GRIK4: variants seen among roughly 807,000 people sequenced by gnomAD.
The protein encoded by GRIK4 is glutamate receptor ionotropic, kainate 4.
In GRIK4, 40 loss-of-function variants were observed where a neutral mutation model predicts 104.9. The observed-to-expected ratio is 0.38, with a 90% confidence interval of 0.30 to 0.50. GRIK4 has a LOEUF of 0.50. GRIK4 is among the 20% of genes least tolerant of loss of function. The probability of loss-of-function intolerance (pLI) is 0.93; values close to 1 mark genes in which losing one functional copy is unlikely to be tolerated. For missense variants in GRIK4, 1,047 were observed against 1,308.1 expected, an observed-to-expected ratio of 0.80 and a Z score of 3.08; for synonymous variants, 485 against 524.9, an observed-to-expected ratio of 0.92 and a Z score of 1.04.
chr11:120,609,448 C>T (rs1369070255), intron 1 of GRIK4, among the ~76,000 whole-genome samples: 1 of 151,126 alleles, frequency 6.6e-6, no homozygotes, highest in African/African-American at 2.4e-5. Context: ...TTCCCCTTTC[C>T]CAAAGGTAGC....
intron 6 of GRIK4, among the ~76,000 whole-genome samples, chr11:120,820,910 A>G (rs764285645): frequency 3.3e-5 from 5 of 152,210 alleles, no homozygotes; most frequent in East Asian, 1.9e-4. Context: ...ATCCAGTACA[A>G]TTTTATTGAA....
At position 120,903,977 on chromosome 11, in the gene GRIK4, C is replaced by T. The variant is rs142828672; in HGVS notation, c.1273-1313C>T. Among the ~76,000 whole-genome samples the T allele has an allele frequency of 5.3e-4, 81 of 152,316 alleles. No individual in the cohort carries two copies. The highest frequency in any genetic ancestry group is 1.7e-3 in the African/African-American group (72 of 41,580). ...TATCTTCCAATTTCCTCCTCCTTGACGCTAAGATCATGTTCCCCTGATTTT... is the reference window on the plus strand; with the variant it reads ...TATCTTCCAATTTCCTCCTCCTTGATGCTAAGATCATGTTCCCCTGATTTT... On this transcript the variant is annotated intron_variant, in intron 12 of 20. Transcript: ENST00000527524. The surrounding 1 kb of genome is among the most constrained non-coding windows in gnomAD (Gnocchi z 4.4).
intron 1 of GRIK4, among the ~76,000 whole-genome samples, chr11:120,598,844 CT>C (rs1948841371): frequency 1.3e-5 from 2 of 152,226 alleles, no homozygotes; most frequent in South Asian, 4.1e-4. Context: ...TGCCTAAGTA[CT>C]TTTTACATCC....
intron 9 of GRIK4, chr11:120,869,602 A>G (rs1954538602): frequency 6.6e-6 from 1 of 152,418 alleles, no homozygotes; most frequent in Non-Finnish European, 1.5e-5. Flanking sequence ...CATGTCCCAG[A>G]CGGAGTGGGA....
At chr11:120,916,531 G>A (rs1012706895) in intron 13 of GRIK4, among the ~76,000 whole-genome samples, 3 of 152,096 alleles carry the variant, frequency 2.0e-5, no homozygotes, top group Non-Finnish European at 2.9e-5. Flanking sequence ...ACGGTGAAGT[G>A]GTAACATAGG....
intron 11 of GRIK4, among the ~76,000 whole-genome samples, chr11:120,891,367 AT>A (rs777481332): frequency 6.6e-6 from 1 of 152,206 alleles, no homozygotes; most frequent in Non-Finnish European, 1.5e-5. Context: ...CTGAAACAGA[AT>A]AGCACAGTGG....
intron 3 of GRIK4, among the ~76,000 whole-genome samples, chr11:120,719,393 G>A (rs1950891922): frequency 6.6e-6 from 1 of 152,172 alleles, no homozygotes; most frequent in African/African-American, 2.4e-5. Flanking sequence ...AGAATATGAA[G>A]GTTTTAGAGT....
At chr11:120,603,056 G>C (rs750586356) in intron 1 of GRIK4, among the ~76,000 whole-genome samples, 1 of 152,216 alleles carries the variant, frequency 6.6e-6, no homozygotes, top group Non-Finnish European at 1.5e-5. Context: ...CTGAAGGTAG[G>C]AGAGAAGGAG....
rs948986783 is a variant in GRIK4, at chr11:120,819,635, G to A, written c.346-120G>A. On this transcript the variant is annotated intron_variant, in intron 5 of 20. Transcript: ENST00000527524. This position sits in a 1 kb window ranked among gnomAD's most constrained non-coding sequence, Gnocchi z 4.3. ...CCTGGGAGCTCCTTCTCCCATTGGT[G>A]TCTGGCGAAGGTGTTACATAAAAGA... The A allele has an allele frequency of 3.5e-6, 3 of 866,282 alleles. No homozygotes were observed. The highest frequency in any genetic ancestry group is 3.9e-5 in the Admixed American group (2 of 51,168). 53.7% of individuals were successfully genotyped at this position (866,282 alleles called of 1,614,324 possible). A position where few individuals can be genotyped will look rare whatever the true frequency, so the allele number is the denominator to read the frequency against.
At chr11:120,950,933 A>G (rs1000396201) in intron 14 of GRIK4, among the ~76,000 whole-genome samples, 5 of 151,856 alleles carry the variant, frequency 3.3e-5, no homozygotes, top group Admixed American at 3.3e-4. Context: ...CAGATTTTTC[A>G]TTTTTCCAGT....
At chr11:120,589,269 C>T (rs1157546051) in intron 1 of GRIK4, among the ~76,000 whole-genome samples, 3 of 152,170 alleles carry the variant, frequency 2.0e-5, no homozygotes, top group Non-Finnish European at 2.9e-5. Flanking sequence ...CCTTGAGAGC[C>T]GCTGCACTAC....
At chr11:120,595,621 A>G (rs1412690932) in intron 1 of GRIK4, among the ~76,000 whole-genome samples, 2 of 152,076 alleles carry the variant, frequency 1.3e-5, no homozygotes, top group Non-Finnish European at 2.9e-5. Context: ...TGGTTTCTAG[A>G]ATGTTCTTTA....
At chr11:120,512,712 C>G (rs1274280470) in intron 1 of GRIK4, among the ~76,000 whole-genome samples, 2 of 152,106 alleles carry the variant, frequency 1.3e-5, no homozygotes, top group East Asian at 3.9e-4. Context: ...GCTGTGCGCT[C>G]CGACCTGGCT....
chr11:120,681,885 G>A (rs1196349820), intron 3 of GRIK4, among the ~76,000 whole-genome samples: 1 of 152,192 alleles, frequency 6.6e-6, no homozygotes, highest in Non-Finnish European at 1.5e-5. Context: ...AAGTGCTCCG[G>A]GTAAAGGCTC....
At chr11:120,827,687 CCA>C (rs1425958215) in intron 6 of GRIK4, among the ~76,000 whole-genome samples, 6 of 152,226 alleles carry the variant, frequency 3.9e-5, no homozygotes, top group African/African-American at 1.4e-4. Flanking sequence ...TAAATTTCTT[CCA>C]CTGCCTAGAA....
chr11:120,650,573 A>G (rs892417929), intron 1 of GRIK4, among the ~76,000 whole-genome samples: 1 of 152,128 alleles, frequency 6.6e-6, no homozygotes, highest in Admixed American at 6.5e-5. Context: ...TGCACCCTGA[A>G]CCATCCTGTT....
chr11:120,909,193 T>C (rs1008198495), intron 13 of GRIK4, among the ~76,000 whole-genome samples: 6 of 152,250 alleles, frequency 3.9e-5, no homozygotes, highest in African/African-American at 1.4e-4. Context: ...GTCAGTAGAA[T>C]GCAGTTGGTG....
chr11:120,897,916 T>C (rs1014119255), intron 11 of GRIK4, among the ~76,000 whole-genome samples: 1 of 152,050 alleles, frequency 6.6e-6, no homozygotes, highest in Non-Finnish European at 1.5e-5. Context: ...GGCACATACA[T>C]GAGAAGCTCC....
intron 1 of GRIK4, among the ~76,000 whole-genome samples, chr11:120,565,453 T>C (rs1337041749): frequency 1.3e-5 from 2 of 152,208 alleles, no homozygotes; most frequent in Non-Finnish European, 2.9e-5. Flanking sequence ...GTGTGGCAAA[T>C]TTTATTAAAC....
Sources: gnomAD v4.1 joint callset for allele counts (sites outside exome capture counted in the v4.1 genomes callset) on GRCh38, gnomAD v4.1.1 for gene constraint, Gnocchi (gnomAD v3.1) non-coding constraint, MANE v1.5 for transcripts, NCBI Gene and HGNC (gene_info 2026-07-23, HGNC 2026-07-21) for gene names.